NKAIN3: variants seen among roughly 807,000 people sequenced by gnomAD.
NKAIN3 encodes sodium/potassium transporting ATPase interacting 3.
A neutral mutation model predicts 30.2 loss-of-function variants in NKAIN3; 25 were observed. The ratio of observed to expected loss-of-function variants is 0.83; its 90% CI spans 0.60 to 1.16. The LOEUF (loss-of-function observed/expected upper bound fraction) is 1.16. NKAIN3 is among the 50% of genes most tolerant of loss of function. NKAIN3 has a pLI of 0.00. For missense variants in NKAIN3, 225 were observed against 254.1 expected (o/e 0.89, Z 0.78); for synonymous variants, 91 against 89.6 (o/e 1.02, Z -0.09).
At chr8:62,464,050 A>T (rs1457038984) in intron 1 of NKAIN3, among the ~76,000 whole-genome samples, 1 of 152,180 alleles carries the variant, frequency 6.6e-6, no homozygotes, top group Admixed American at 6.5e-5. Flanking sequence ...AGTGAAATCC[A>T]CATAAGTGAT....
chr8:62,702,815 G>GA (rs1814382729), intron 3 of NKAIN3, among the ~76,000 whole-genome samples: 1 of 152,098 alleles, frequency 6.6e-6, no homozygotes, highest in African/African-American at 2.4e-5. Context: ...CTTTGTTCTA[G>GA]GAAACTTTGT....
chr8:62,358,605 G>T (rs994602425), intron 1 of NKAIN3, among the ~76,000 whole-genome samples: 2 of 152,078 alleles, frequency 1.3e-5, no homozygotes, highest in Admixed American at 6.6e-5. Context: ...TCTTCACACT[G>T]TGCACCTCAG....
intron 1 of NKAIN3, among the ~76,000 whole-genome samples, chr8:62,468,575 A>G (rs1806231083): frequency 6.6e-6 from 1 of 152,202 alleles, no homozygotes; most frequent in Non-Finnish European, 1.5e-5. Context: ...GTTGCCAGTC[A>G]TTTTCTAAAG....
At chr8:62,362,486 A>C (rs916458128) in intron 1 of NKAIN3, among the ~76,000 whole-genome samples, 1 of 152,148 alleles carries the variant, frequency 6.6e-6, no homozygotes, top group Middle Eastern at 3.2e-3. Context: ...ATGTAAGGAC[A>C]GTTTCCCAGG....
At chr8:62,839,125 G>A (rs1293225548) in intron 4 of NKAIN3, among the ~76,000 whole-genome samples, 2 of 152,026 alleles carry the variant, frequency 1.3e-5, no homozygotes, top group East Asian at 3.9e-4. Context: ...TCTCTGTTAT[G>A]TTGTTTTTGA....
chr8:62,435,530 C>T (rs1419671956), intron 1 of NKAIN3, among the ~76,000 whole-genome samples: 1 of 152,094 alleles, frequency 6.6e-6, no homozygotes, highest in African/African-American at 2.4e-5. Context: ...AATCCTTTGC[C>T]ATATCTTTAC....
chr8:62,411,769 T>A (rs1377311914), intron 1 of NKAIN3, among the ~76,000 whole-genome samples: 1 of 152,070 alleles, frequency 6.6e-6, no homozygotes, highest in Non-Finnish European at 1.5e-5. Context: ...AATTCCTGGC[T>A]AAGAGTCAAA....
intron 4 of NKAIN3, among the ~76,000 whole-genome samples, chr8:62,810,610 T>C (rs930120533): frequency 2.0e-5 from 3 of 151,312 alleles, no homozygotes; most frequent in East Asian, 1.9e-4. Context: ...ATATTATGTA[T>C]GCATGATTGT....
rs539461264 is a variant in NKAIN3 at position 62,611,258 on chromosome 8, C to T, written c.273+21464C>T. Among the ~76,000 whole-genome samples the T allele has an allele frequency of 2.6e-5, 4 of 152,076 alleles. No individual in the cohort carries two copies. The South Asian group carries it at 8.3e-4, about 32-fold the overall frequency. On this transcript the variant is annotated intron_variant, in intron 3 of 6. Transcript: ENST00000623646. ...ATACAGGCATGAAATATGAAATAAG[C>T]ACAACATGGAAAATGAGGTATCTAT...
At chr8:62,717,305 A>G (rs1480611277) in intron 3 of NKAIN3, among the ~76,000 whole-genome samples, 1 of 152,210 alleles carries the variant, frequency 6.6e-6, no homozygotes, top group East Asian at 1.9e-4. Context: ...TCCTACAAGT[A>G]TCAGGATATT....
chr8:62,623,248 G>A (rs760075806), intron 3 of NKAIN3, among the ~76,000 whole-genome samples: 1 of 152,144 alleles, frequency 6.6e-6, no homozygotes, highest in Non-Finnish European at 1.5e-5. Context: ...TTAAGCTGGA[G>A]AGGTCTTTGA....
intron 1 of NKAIN3, among the ~76,000 whole-genome samples, chr8:62,362,875 G>A (rs923306677): frequency 4.0e-5 from 6 of 151,556 alleles, no homozygotes; most frequent in Non-Finnish European, 7.4e-5. Context: ...GTTATAGCTC[G>A]GGTTTGCCTT....
rs1306950697 is a variant in NKAIN3, at chr8:62,870,610, CAA to C, written c.472-47842_472-47841del. ...CATATATATACAACATATACATATA[CAA>C]TATATATACAAAATAAACTCTATTT... is the stretch of plus-strand genomic sequence containing the variant. On this transcript the variant is annotated intron_variant, in intron 4 of 6. Transcript: ENST00000623646. Among the ~76,000 whole-genome samples the C allele has an allele frequency of 3.7e-5, 4 of 106,748 alleles. No individual in the cohort carries two copies. In the East Asian group the frequency reaches 6.7e-4, roughly 18 times the overall value. The allele number at this position is 106,748 out of a possible 152,430, so 70.0% of individuals were successfully genotyped here. A position where few individuals can be genotyped will look rare whatever the true frequency, so the allele number is the denominator to read the frequency against.
chr8:62,911,862 C>A (rs955688175), intron 4 of NKAIN3, among the ~76,000 whole-genome samples: 2 of 152,122 alleles, frequency 1.3e-5, no homozygotes, highest in African/African-American at 4.8e-5. Context: ...GTTGCAGCTT[C>A]TTTTTCTATT....
At chr8:62,504,730 A>G (rs1470763868) in intron 1 of NKAIN3, among the ~76,000 whole-genome samples, 1 of 152,176 alleles carries the variant, frequency 6.6e-6, no homozygotes, top group Non-Finnish European at 1.5e-5. Flanking sequence ...ACCCTTCAGT[A>G]GCTCTGTGTT....
chr8:62,790,171 T>C (rs1219805021), intron 4 of NKAIN3, among the ~76,000 whole-genome samples: 1 of 152,150 alleles, frequency 6.6e-6, no homozygotes, highest in Non-Finnish European at 1.5e-5. Context: ...TGAAAATCAA[T>C]AAATTTAATC....
At chr8:62,514,738 C>G (rs1807928165) in intron 1 of NKAIN3, among the ~76,000 whole-genome samples, 1 of 152,088 alleles carries the variant, frequency 6.6e-6, no homozygotes, top group South Asian at 2.1e-4. Context: ...GTTAATACAC[C>G]TAAAAGCAAA....
At chr8:62,802,731 A>G (rs1399797165) in intron 4 of NKAIN3, among the ~76,000 whole-genome samples, 1 of 152,184 alleles carries the variant, frequency 6.6e-6, no homozygotes, top group African/African-American at 2.4e-5. Context: ...ACCAGCTAAC[A>G]TCATAATGAC....
At chr8:62,548,975 A>G (rs866197634) in intron 1 of NKAIN3, among the ~76,000 whole-genome samples, 9 of 152,164 alleles carry the variant, frequency 5.9e-5, no homozygotes, top group African/African-American at 2.2e-4. Flanking sequence ...TTTTAGCATC[A>G]TTAGGTATCA....
Sources: gnomAD v4.1 joint callset for allele counts (sites outside exome capture counted in the v4.1 genomes callset) on GRCh38, gnomAD v4.1.1 for gene constraint, MANE v1.5 for transcripts, NCBI Gene and HGNC (gene_info 2026-07-23, HGNC 2026-07-21) for gene names.